SPOCK3: variants seen among roughly 807,000 people sequenced by gnomAD.
SPOCK3 encodes testican-3.
In SPOCK3, 30 loss-of-function variants were observed where a neutral mutation model predicts 56.6. The ratio of observed to expected loss-of-function variants is 0.53; its 90% confidence interval spans 0.40 to 0.72. SPOCK3 has a LOEUF of 0.72. Among genes scored for constraint, SPOCK3 ranks in the 30% least tolerant of loss-of-function variants. The pLI is 0.00. For missense variants in SPOCK3, 527 were observed against 530.0 expected (o/e 0.99, Z 0.06); for synonymous variants, 196 against 183.3 (o/e 1.07, Z -0.56).
chr4:166,946,861 A>G (rs1741825692), intron 4 of SPOCK3, among the ~76,000 whole-genome samples: 1 of 152,204 alleles, frequency 6.6e-6, no homozygotes, highest in Admixed American at 6.5e-5. Flanking sequence ...GTAGATGAAC[A>G]ATACCATAAT....
At chr4:166,770,152 C>T (rs749893956) in intron 7 of SPOCK3, among the ~76,000 whole-genome samples, 1 of 152,144 alleles carries the variant, frequency 6.6e-6, no homozygotes, top group Non-Finnish European at 1.5e-5. Flanking sequence ...GGTGATGCCT[C>T]ACCCTGCTTC....
chr4:167,229,258 G>C (rs1736907290), intron 2 of SPOCK3, among the ~76,000 whole-genome samples: 1 of 152,094 alleles, frequency 6.6e-6, no homozygotes, highest in African/African-American at 2.4e-5. Flanking sequence ...TTGTTGAAAA[G>C]TATAATAGCA....
At chr4:167,230,243 T>A (rs1737021816) in intron 2 of SPOCK3, among the ~76,000 whole-genome samples, 1 of 151,974 alleles carries the variant, frequency 6.6e-6, no homozygotes, top group Non-Finnish European at 1.5e-5. Flanking sequence ...TCCATACTCA[T>A]TTATTACATG....
chr4:166,995,109 G>A (rs908421917), intron 4 of SPOCK3, among the ~76,000 whole-genome samples: 6 of 152,152 alleles, frequency 3.9e-5, no homozygotes, highest in African/African-American at 1.4e-4. Flanking sequence ...CAGTGTCCAA[G>A]TCTACCAATT....
chr4:167,032,024 A>G (rs1752326972), intron 3 of SPOCK3, among the ~76,000 whole-genome samples: 1 of 152,014 alleles, frequency 6.6e-6, no homozygotes, highest in African/African-American at 2.4e-5. Context: ...ACCAAAATTC[A>G]CATAAACTTG....
At chr4:167,021,593 C>A (rs192914554) in intron 3 of SPOCK3, among the ~76,000 whole-genome samples, 1 of 152,122 alleles carries the variant, frequency 6.6e-6, no homozygotes, top group East Asian at 1.9e-4. Flanking sequence ...CCCTACCCCT[C>A]TCTCCGGTCG....
At chr4:166,896,368 T>A (rs1453753586) in intron 5 of SPOCK3, among the ~76,000 whole-genome samples, 4 of 152,162 alleles carry the variant, frequency 2.6e-5, no homozygotes, top group Non-Finnish European at 4.4e-5. Flanking sequence ...ACAAGGCAAC[T>A]GATGTGCACC....
At chr4:167,198,227 T>C (rs1225657515) in intron 2 of SPOCK3, among the ~76,000 whole-genome samples, 2 of 152,172 alleles carry the variant, frequency 1.3e-5, no homozygotes, top group Admixed American at 1.3e-4. Flanking sequence ...AATACTATCA[T>C]AAACTTCTTG....
intron 3 of SPOCK3, among the ~76,000 whole-genome samples, chr4:167,030,083 T>TTCTA (rs59694023): frequency 0.17 from 24,406 of 141,206 alleles, 2,205 homozygotes; most frequent in Middle Eastern, 0.27. Flanking sequence ...TAATGGCTCA[T>TTCTA]TCTATCTATC....
At chr4:166,924,972 T>A (rs62352346) in intron 4 of SPOCK3, among the ~76,000 whole-genome samples, 57,992 of 152,052 alleles carry the variant, frequency 0.38, 12,419 homozygotes, top group East Asian at 0.69. Context: ...GGATTGGGGT[T>A]CCCTGGGGTA....
At chr4:167,082,907 G>A (rs928199502) in intron 2 of SPOCK3, among the ~76,000 whole-genome samples, 2 of 151,660 alleles carry the variant, frequency 1.3e-5, no homozygotes, top group African/African-American at 4.8e-5. Flanking sequence ...GAGAAAGAGA[G>A]AGAGAGAGAA....
chr4:167,104,055 T>A (rs376862052), intron 2 of SPOCK3, among the ~76,000 whole-genome samples: 1 of 152,142 alleles, frequency 6.6e-6, no homozygotes, highest in African/African-American at 2.4e-5. Context: ...GATGCAGATA[T>A]GGCTTAGAGC....
At chr4:167,039,087 T>C (rs1424928280) in intron 3 of SPOCK3, among the ~76,000 whole-genome samples, 3 of 152,184 alleles carry the variant, frequency 2.0e-5, no homozygotes, top group Non-Finnish European at 4.4e-5. Context: ...AGAGACGCTC[T>C]AGTCCATGCT....
In SPOCK3 at chr4:167,146,500, G is replaced by A. The variant is rs887610465; in HGVS notation, c.190-83963C>T. Among the ~76,000 whole-genome samples the A allele has an allele frequency of 2.0e-5, 3 of 152,078 alleles. No individual in the cohort carries two copies. In the East Asian group the frequency reaches 5.8e-4, roughly 29 times the overall value. ...CAGAACTCTCCACCCCAAATCAACAGAATATACATTCTTCTCAGCACCACA... is the reference window on the plus strand; with the variant it reads ...CAGAACTCTCCACCCCAAATCAACAAAATATACATTCTTCTCAGCACCACA... On this transcript the variant is annotated intron_variant, in intron 2 of 10. Coordinates refer to ENST00000357545, the MANE Select transcript of SPOCK3 (RefSeq NM_001040159.2).
chr4:167,168,173 T>C (rs888307400), intron 2 of SPOCK3, among the ~76,000 whole-genome samples: 2 of 152,160 alleles, frequency 1.3e-5, no homozygotes, highest in African/African-American at 4.8e-5. Context: ...ATGCCTTTAC[T>C]AGCAGCAGGA....
intron 2 of SPOCK3, among the ~76,000 whole-genome samples, chr4:167,063,027 G>A (rs1199432756): frequency 6.6e-6 from 1 of 151,788 alleles, no homozygotes; most frequent in Admixed American, 6.6e-5. Flanking sequence ...TTCTGCAGTG[G>A]CCCATGGAGT....
At chr4:166,749,288 C>T (rs2126458579) in intron 8 of SPOCK3, among the ~76,000 whole-genome samples, 1 of 137,732 alleles carries the variant, frequency 7.3e-6, no homozygotes, top group East Asian at 2.0e-4. Context: ...ACATATACAT[C>T]TTGGAATACT....
intron 2 of SPOCK3, among the ~76,000 whole-genome samples, chr4:167,233,142 T>C (rs1737357127): frequency 3.9e-5 from 6 of 152,216 alleles, no homozygotes; most frequent in Admixed American, 3.9e-4. Context: ...CTTCCAGTTG[T>C]ATCGTGCTCT....
intron 2 of SPOCK3, among the ~76,000 whole-genome samples, chr4:167,217,561 G>A (rs570345593): frequency 6.6e-6 from 1 of 152,052 alleles, no homozygotes; most frequent in Admixed American, 6.6e-5. Context: ...CTCCTGGTGG[G>A]GGTGTCCTGG....
Sources: gnomAD v4.1 joint callset for allele counts (sites outside exome capture counted in the v4.1 genomes callset) on GRCh38, gnomAD v4.1.1 for gene constraint, MANE v1.5 for transcripts, NCBI Gene and HGNC (gene_info 2026-07-23, HGNC 2026-07-21) for gene names.